Variants in MYT1L observed in about 807,000 individuals in gnomAD.
MYT1L encodes myelin transcription factor 1 like.
A neutral mutation model predicts 126.7 loss-of-function variants in MYT1L; 12 were observed. The observed-to-expected ratio is 0.09, with a 90% CI of 0.06 to 0.15. MYT1L has a LOEUF of 0.15. MYT1L is among the 10% of genes least tolerant of loss of function. The pLI, the probability that MYT1L is intolerant of heterozygous loss-of-function variation, is 1.00. For synonymous variants in MYT1L, 541 were observed against 604.2 expected (o/e 0.90, Z 1.53); for missense variants, 979 against 1,585.2 (o/e 0.62, Z 6.49).
chr2:1,864,914 A>G (rs1369314415), intron 18 of MYT1L, among the ~76,000 whole-genome samples: 1 of 152,116 alleles, frequency 6.6e-6, no homozygotes. Context: ...CCTGGCTCTC[A>G]GCTGGGAGCT....
rs2031738294 is a variant in MYT1L at position 1,789,889 on chromosome 2, A to C, written c.*1978T>G. 1 of 152,262 alleles carries C rather than the reference A, an allele frequency of 6.6e-6. No individual in the cohort carries two copies. Among genetic ancestry groups the C allele is most frequent in the African/African-American group, 2.4e-5 (1 of 41,472 alleles). 9.4% of individuals were successfully genotyped at this position (152,262 alleles called of 1,614,324 possible). A position where few individuals can be genotyped will look rare whatever the true frequency, so the allele number is the denominator to read the frequency against. ...TTACATCGTCTTTTCCCAGCTAGTT[A>C]TTAAAGTCCTTGTGGAAAACTGTAA... On this transcript the variant is annotated 3_prime_UTR_variant, in exon 25 of 25. Coordinates refer to ENST00000647738, the MANE Select transcript of MYT1L (RefSeq NM_001303052.2).
intron 2 of MYT1L, among the ~76,000 whole-genome samples, chr2:2,227,237 C>T (rs1196001993): frequency 6.6e-6 from 1 of 152,106 alleles, no homozygotes; most frequent in Non-Finnish European, 1.5e-5. Context: ...ATCATCTGGT[C>T]CCATGGGATT....
In MYT1L at chr2:1,807,570, G is replaced by C. The variant is rs114148797; in HGVS notation, c.3172+1506C>G. ...TTGTGGTGCTTGAAGAGGTTTGCAG[G>C]CTCCATTTAGAAATACAAAATTAGG... is the stretch of plus-strand genomic sequence containing the variant. On this transcript the variant is annotated intron_variant, in intron 22 of 24. Coordinates refer to ENST00000647738, the MANE Select transcript of MYT1L (RefSeq NM_001303052.2). Among the ~76,000 whole-genome samples, 1,040 of 152,242 alleles carry C rather than the reference G, an allele frequency of 6.8e-3. 13 individuals are homozygous for C. Among genetic ancestry groups the C allele is most frequent in the African/African-American group, 0.024 (1,005 of 41,542 alleles).
chr2:1,889,284 A>T lies in MYT1L; in HGVS notation c.2477T>A (p.Met826Lys). ...CWDLPVDYTK[M>K]KPRRIDEDES... ...GTCCTCGTCTATCCTCCGGGGTTTC[A>T]TTTTGGTGTAGTCTACGGGCAAGTC... The change falls in exon 16 of 25, where the codon ATG (methionine) becomes AAG (lysine). Residue 826 changes from methionine (M) to lysine (K), a missense_variant. By Grantham distance (95) the Met-to-Lys change is moderately conservative. Transcript: ENST00000647738. This position sits in a 1 kb window ranked among gnomAD's most constrained non-coding sequence, Gnocchi z 4.1. The T allele has an allele frequency of 6.2e-7, 1 of 1,613,848 alleles. No homozygotes were observed. Among genetic ancestry groups the T allele is most frequent in the Non-Finnish European group, 8.5e-7 (1 of 1,179,882 alleles).
At chr2:1,861,082 T>A (rs573138335) in intron 18 of MYT1L, among the ~76,000 whole-genome samples, 53 of 152,110 alleles carry the variant, frequency 3.5e-4, no homozygotes, top group African/African-American at 1.1e-3. Flanking sequence ...ACAGCTCAGA[T>A]ATTGTTTTTT....
At chr2:2,210,234 A>G (rs1006627220) in intron 2 of MYT1L, among the ~76,000 whole-genome samples, 2 of 152,078 alleles carry the variant, frequency 1.3e-5, no homozygotes, top group Non-Finnish European at 2.9e-5. Flanking sequence ...TGCTGCGCAG[A>G]GGCTTTTTTA....
At chr2:2,003,996 T>C (rs962870729) in intron 4 of MYT1L, among the ~76,000 whole-genome samples, 9 of 136,430 alleles carry the variant, frequency 6.6e-5, no homozygotes, top group African/African-American at 2.1e-4. Context: ...CAAGCGTTCT[T>C]TCCTGCATGC....
intron 1 of MYT1L, among the ~76,000 whole-genome samples, chr2:2,322,633 G>A (rs1193042609): frequency 1.3e-5 from 2 of 151,680 alleles, no homozygotes; most frequent in African/African-American, 2.4e-5. Context: ...CACCTTTGAA[G>A]GCAGCCAGGC....
chr2:1,996,786 T>TTACAGGA (rs2061904134), intron 5 of MYT1L, among the ~76,000 whole-genome samples: 1 of 137,552 alleles, frequency 7.3e-6, no homozygotes, highest in Non-Finnish European at 1.5e-5. Context: ...CGCCTTTACC[T>TTACAGGA]AGTGAGCGAG....
chr2:2,220,425 C>G (rs1347817221), intron 2 of MYT1L, among the ~76,000 whole-genome samples: 1 of 152,024 alleles, frequency 6.6e-6, no homozygotes, highest in Non-Finnish European at 1.5e-5. Flanking sequence ...GGGAAATGTT[C>G]AGGTTAAGAT....
In MYT1L at chr2:2,095,070, A is replaced by G. The variant is rs561911838; in HGVS notation, c.-303-40947T>C. ...TTTGCTATGTAATCAAAAAATGATC[A>G]GACAATGTAAATGTCACAAAACCTC... is the stretch of plus-strand genomic sequence containing the variant. On this transcript the variant is annotated intron_variant, in intron 3 of 24. Transcript: ENST00000647738. Among the ~76,000 whole-genome samples, 3 of 152,380 alleles carry G rather than the reference A, an allele frequency of 2.0e-5. No individual in the cohort carries two copies. The East Asian group carries it at 5.8e-4, about 29-fold the overall frequency.
At chr2:1,977,320 A>C (rs2060260958) in intron 8 of MYT1L, among the ~76,000 whole-genome samples, 2 of 151,716 alleles carry the variant, frequency 1.3e-5, no homozygotes, top group Non-Finnish European at 2.9e-5. Context: ...TGAAGCAGGG[A>C]AAGAGATCTC....
intron 1 of MYT1L, chr2:2,326,552 A>C (rs1559688635): frequency 6.6e-6 from 1 of 151,186 alleles, no homozygotes; most frequent in Non-Finnish European, 1.5e-5. Flanking sequence ...AGTAAGACTA[A>C]AATATTCCCC....
chr2:2,151,006 T>C (rs1475051372), intron 3 of MYT1L, among the ~76,000 whole-genome samples: 5 of 152,010 alleles, frequency 3.3e-5, no homozygotes, highest in African/African-American at 1.2e-4. Flanking sequence ...AACTGTCAGT[T>C]AGGATGTCAA....
At chr2:1,932,646 A>G (rs1448687363) in intron 9 of MYT1L, among the ~76,000 whole-genome samples, 1 of 152,200 alleles carries the variant, frequency 6.6e-6, no homozygotes, top group Non-Finnish European at 1.5e-5. Flanking sequence ...GACAACGGAC[A>G]GTACGTGGGA....
rs185781131 is a variant in MYT1L at position 2,063,091 on chromosome 2, C to T, written c.-303-8968G>A. Among the ~76,000 whole-genome samples the T allele has an allele frequency of 2.6e-3, 394 of 152,230 alleles. 1 individual carries two copies. Among genetic ancestry groups the T allele is most frequent in the Non-Finnish European group, 4.1e-3 (279 of 68,016 alleles). ...AATCAGATTTCCTTTATCTTCTCAC[C>T]TCTCTTGTGAGATTTTTTAAATTTA... On this transcript the variant is annotated intron_variant, in intron 3 of 24. Transcript: ENST00000647738.
chr2:2,243,911 C>A (rs2094483972), intron 2 of MYT1L, among the ~76,000 whole-genome samples: 7 of 152,152 alleles, frequency 4.6e-5, no homozygotes. Flanking sequence ...AATTGGCAAC[C>A]TTGTTAGCAG....
At chr2:1,987,431 C>T (rs1251084793) in intron 5 of MYT1L, among the ~76,000 whole-genome samples, 3 of 151,596 alleles carry the variant, frequency 2.0e-5, no homozygotes, top group African/African-American at 7.3e-5. Context: ...TGCAGCGTTT[C>T]CATGGGAGGG....
At position 2,329,089 on chromosome 2, in the gene MYT1L, C is replaced by T. The variant is rs78037227; in HGVS notation, c.-521+1878G>A. ...CTGAAAGGGAAGGCAGAGAAGCCTG[C>T]TCACAATAGCTCACTCCACCAGCCT... On this transcript the variant is annotated intron_variant, in intron 1 of 24. Coordinates refer to ENST00000647738, the MANE Select transcript of MYT1L (RefSeq NM_001303052.2). Among the ~76,000 whole-genome samples, 74 of 152,332 alleles carry T rather than the reference C, an allele frequency of 4.9e-4. No individual in the cohort carries two copies. The East Asian group carries it at 0.014, about 29-fold the overall frequency.
Sources: allele counts gnomAD v4.1 joint callset (sites outside exome capture counted in the v4.1 genomes callset), GRCh38; gene constraint gnomAD v4.1.1; non-coding constraint Gnocchi (gnomAD v3.1); transcripts MANE v1.5; gene names NCBI Gene and HGNC (gene_info 2026-07-23, HGNC 2026-07-21).